Variants in RIMS2 observed in about 807,000 individuals in gnomAD.
The protein encoded by RIMS2 is regulating synaptic membrane exocytosis protein 2.
RIMS2 carries 59 observed loss-of-function variants against 174.4 expected under a neutral mutation model. The observed-to-expected ratio is 0.34, with a 90% confidence interval of 0.27 to 0.42. The LOEUF is 0.42. RIMS2 is among the 10% of genes least tolerant of loss of function. The probability of loss-of-function intolerance (pLI) is 1.00; values close to 1 mark genes in which losing one functional copy is unlikely to be tolerated. For missense variants in RIMS2, 1,620 were observed against 1,666.3 expected, an observed-to-expected ratio of 0.97 and a Z score of 0.48; for synonymous variants, 606 against 572.5, an observed-to-expected ratio of 1.06 and a Z score of -0.84.
At chr8:103,953,121 GT>G (rs2085944523) in intron 14 of RIMS2, among the ~76,000 whole-genome samples, 1 of 152,220 alleles carries the variant, frequency 6.6e-6, no homozygotes, top group Non-Finnish European at 1.5e-5. Context: ...CCAAATCTAT[GT>G]TTGATTGGTG....
intron 1 of RIMS2, among the ~76,000 whole-genome samples, chr8:103,545,692 A>G (rs1844724473): frequency 6.6e-6 from 1 of 152,254 alleles, no homozygotes; most frequent in African/African-American, 2.4e-5. Context: ...CAGAAACTCT[A>G]CAAGCTAGAA....
intron 1 of RIMS2, among the ~76,000 whole-genome samples, chr8:103,617,037 G>A (rs1262842941): frequency 2.0e-5 from 3 of 152,036 alleles, no homozygotes; most frequent in Non-Finnish European, 4.4e-5. Context: ...AATTCATGTG[G>A]AACCAAAAAG....
intron 19 of RIMS2, among the ~76,000 whole-genome samples, chr8:104,096,217 T>TA (rs928471784): frequency 6.6e-6 from 1 of 152,164 alleles, no homozygotes; most frequent in African/African-American, 2.4e-5. Context: ...GAGTCTCTAA[T>TA]GTGTTTTCTA....
chr8:103,604,811 G>C (rs1282660860), intron 1 of RIMS2, among the ~76,000 whole-genome samples: 1 of 103,176 alleles, frequency 9.7e-6, no homozygotes. Context: ...GTCTGTTGTT[G>C]GTGTATAAGA....
chr8:103,551,033 G>A (rs1332607952), intron 1 of RIMS2, among the ~76,000 whole-genome samples: 2 of 152,104 alleles, frequency 1.3e-5, no homozygotes, highest in Non-Finnish European at 2.9e-5. Flanking sequence ...AGATGAGCTG[G>A]TACCATTTCT....
At chr8:104,199,780 G>A (rs2136934005) in intron 19 of RIMS2, among the ~76,000 whole-genome samples, 1 of 152,274 alleles carries the variant, frequency 6.6e-6, no homozygotes, top group Non-Finnish European at 1.5e-5. Flanking sequence ...TATATGCAAG[G>A]CTGCTGGGAC....
At chr8:103,787,798 C>G (rs1291335075) in intron 3 of RIMS2, among the ~76,000 whole-genome samples, 1 of 152,026 alleles carries the variant, frequency 6.6e-6, no homozygotes, top group Non-Finnish European at 1.5e-5. Context: ...TCTGTATTTC[C>G]TGAATCTGAA....
At chr8:103,921,901 C>A in intron 10 of RIMS2, 117 bp downstream of exon 13, 1 of 456,952 alleles carries the variant, frequency 2.2e-6, no homozygotes. Context: ...TTTTAACCTC[C>A]CACTTTCTCA....
At chr8:103,556,219 G>A (rs1028690398) in intron 1 of RIMS2, among the ~76,000 whole-genome samples, 5 of 152,134 alleles carry the variant, frequency 3.3e-5, no homozygotes, top group Admixed American at 6.5e-5. Flanking sequence ...AATGATATAT[G>A]AGGTAATGCA....
intron 3 of RIMS2, among the ~76,000 whole-genome samples, chr8:103,822,195 G>A (rs1234555096): frequency 6.6e-6 from 1 of 151,560 alleles, no homozygotes; most frequent in Non-Finnish European, 1.5e-5. Flanking sequence ...ATTAAAAGGG[G>A]GCCTTTTCAA....
At chr8:103,894,136 A>G (rs2099263736) in intron 4 of RIMS2, among the ~76,000 whole-genome samples, 1 of 151,164 alleles carries the variant, frequency 6.6e-6, no homozygotes, top group Non-Finnish European at 1.5e-5. Flanking sequence ...TTAACCCAAA[A>G]TTGTGAGACA....
At chr8:103,900,792 C>T (rs527698243) in intron 4 of RIMS2, among the ~76,000 whole-genome samples, 1 of 152,194 alleles carries the variant, frequency 6.6e-6, no homozygotes, top group African/African-American at 2.4e-5. Flanking sequence ...CTCCTGGCAA[C>T]TCATCCTTTC....
intron 2 of RIMS2, among the ~76,000 whole-genome samples, chr8:103,701,195 A>G (rs79922584): frequency 0.051 from 7,828 of 152,046 alleles, 257 homozygotes; most frequent in Middle Eastern, 0.071. Context: ...TCATGCTGAA[A>G]ATTTTGCCTT....
At chr8:103,596,513 A>T (rs2094482752) in intron 1 of RIMS2, among the ~76,000 whole-genome samples, 1 of 152,094 alleles carries the variant, frequency 6.6e-6, no homozygotes, top group South Asian at 2.1e-4. Context: ...CTCAAATATT[A>T]ATAATATCTT....
At chr8:103,720,648 TTAAC>T (rs145964790) in intron 2 of RIMS2, among the ~76,000 whole-genome samples, 26 of 152,320 alleles carry the variant, frequency 1.7e-4, no homozygotes, top group African/African-American at 5.8e-4. Flanking sequence ...CTTACATTGT[TTAAC>T]TAGGAAATTA....
chr8:103,689,411 T>G lies in RIMS2; in HGVS notation c.177-7675T>G, dbSNP rs1360352065. 3.3e-5 allele frequency among the ~76,000 whole-genome samples: 5 copies of G among 152,130 alleles called. No homozygotes were observed. In the East Asian group the frequency reaches 9.6e-4, roughly 29 times the overall value. The stretch of plus-strand genomic sequence containing the variant: ...CAGATTAAGTCTGATGTTTCTTTGT[T>G]TATTTTCTGTCTGGATGATCTGTCC... On this transcript the variant is annotated intron_variant, in intron 1 of 23. Transcript: ENST00000504942.
chr8:103,933,096 T>G (rs1325884864), intron 12 of RIMS2, among the ~76,000 whole-genome samples: 1 of 151,924 alleles, frequency 6.6e-6, no homozygotes, highest in Non-Finnish European at 1.5e-5. Context: ...ATCGAGCCCA[T>G]CCTGGCTAAC....
chr8:103,523,684 A>T (rs1265761448), intron 1 of RIMS2, among the ~76,000 whole-genome samples: 1 of 152,166 alleles, frequency 6.6e-6, no homozygotes, highest in Non-Finnish European at 1.5e-5. Context: ...TGCCTCAAAT[A>T]ACAGTTCAGT....
At chr8:103,933,488 C>T (rs1312451086) in intron 12 of RIMS2, among the ~76,000 whole-genome samples, 1 of 151,922 alleles carries the variant, frequency 6.6e-6, no homozygotes, top group Non-Finnish European at 1.5e-5. Context: ...GAATCCATCT[C>T]AAATAAAAAA....
Sources: allele counts gnomAD v4.1 joint callset (sites outside exome capture counted in the v4.1 genomes callset), GRCh38; gene constraint gnomAD v4.1.1; transcripts MANE v1.5; gene names NCBI Gene and HGNC (gene_info 2026-07-23, HGNC 2026-07-21).